Variants in EIF4ENIF1 observed in about 807,000 individuals in gnomAD.
EIF4ENIF1 encodes eukaryotic translation initiation factor 4E transporter.
EIF4ENIF1 carries 23 observed loss-of-function variants against 110.5 expected under a neutral mutation model. The observed-to-expected ratio is 0.21, with a 90% confidence interval of 0.15 to 0.29. The LOEUF is 0.29. EIF4ENIF1 is among the 10% of genes least tolerant of loss of function. The pLI is 1.00. For missense variants in EIF4ENIF1, 1,031 were observed against 1,221.1 expected (o/e 0.84, Z 2.32); for synonymous variants, 440 against 437.0 (o/e 1.01, Z -0.09).
chr22:31,458,925 CTTTTT>C (rs11337049), intron 6 of EIF4ENIF1, among the ~76,000 whole-genome samples: 2 of 107,260 alleles, frequency 1.9e-5, no homozygotes, highest in Non-Finnish European at 3.7e-5. Flanking sequence ...GGAGGGGGGT[CTTTTT>C]TTTTTTTTTT....
At position 31,441,945 on chromosome 22, in the gene EIF4ENIF1, T is replaced by C; in HGVS notation, c.2380A>G (p.Thr794Ala). The C allele has an allele frequency of 6.2e-7, 1 of 1,614,066 alleles. No individual in the cohort carries two copies. The highest frequency in any genetic ancestry group is 2.2e-5 in the East Asian group (1 of 44,872). Residue 794 changes from threonine (T) to alanine (A), a missense_variant, in exon 17 of 19, where the codon ACC becomes GCC. Physicochemically the swap from Thr to Ala is moderately conservative, Grantham distance 58. This residue lies in a region of EIF4ENIF1 where 309 missense variants were observed against 299.1 expected (regional missense o/e 1.03). Coordinates refer to ENST00000330125, the MANE Select transcript of EIF4ENIF1 (RefSeq NM_019843.4). ...RPKATGRKTPTLASPVPTTPF... is the reference protein window; with the variant it reads ...RPKATGRKTPALASPVPTTPF... The stretch of plus-strand genomic sequence containing the variant: ...GTTGTAGGAACTGGGGATGCCAAGG[T>C]GGGTGTTTTTCTCCCAGTTGCTTTA...
intron 16 of EIF4ENIF1, 88 bp downstream of exon 16, chr22:31,442,874 T>C: frequency 6.5e-7 from 1 of 1,536,656 alleles, no homozygotes; most frequent in Non-Finnish European, 8.8e-7. Flanking sequence ...CAGGGCTTTG[T>C]ATAGAATATC....
rs1174588191 is a variant in EIF4ENIF1 at position 31,449,461 on chromosome 22, T to C, written c.1655A>G (p.Glu552Gly). ...TTGGCCCAGTAAAGATGTTGTAGGC[T>C]CCAAGCTCCCCATAAGGCCACTCAG... ...NLLSGLMGSL[E>G]PTTSLLGQRA... Residue 552 changes from glutamate to glycine, a missense_variant, in exon 12 of 19, where the codon GAG becomes GGG. Coordinates refer to ENST00000330125, the MANE Select transcript of EIF4ENIF1 (RefSeq NM_019843.4). The C allele has an allele frequency of 3.1e-6, 5 of 1,614,000 alleles. No homozygotes were observed. Among genetic ancestry groups the C allele is most frequent in the Non-Finnish European group, 4.2e-6 (5 of 1,180,024 alleles).
At chr22:31,438,301 T>G (rs140283203), downstream of EIF4ENIF1, among the ~76,000 whole-genome samples, 1 of 152,342 alleles carries the variant, frequency 6.6e-6, no homozygotes, top group Non-Finnish European at 1.5e-5. Context: ...AGAACTGTAC[T>G]GTATTCTGTA....
chr22:31,482,833 C>A (rs972591193), intron 2 of EIF4ENIF1, among the ~76,000 whole-genome samples: 2 of 150,446 alleles, frequency 1.3e-5, no homozygotes, highest in East Asian at 2.0e-4. Flanking sequence ...ACCATCCTGG[C>A]CAACATGGTG....
chr22:31,447,668 A>G, intron 13 of EIF4ENIF1, 103 bp from the exon 14 acceptor site: 10 of 1,295,942 alleles, frequency 7.7e-6, no homozygotes, highest in Non-Finnish European at 4.2e-6. Flanking sequence ...CAGAAGCTGA[A>G]AAAAATTAGA....
At chr22:31,488,807 G>A in intron 1 of EIF4ENIF1, 62 bp from the exon 2 acceptor site, 2 of 1,517,336 alleles carry the variant, frequency 1.3e-6, no homozygotes, top group Non-Finnish European at 1.8e-6. Flanking sequence ...AATCTTGGCT[G>A]TTTCTTCAGA....
chr22:31,441,008 G>C, intron 17 of EIF4ENIF1, 140 bp from the exon 18 acceptor site: 2 of 1,197,474 alleles, frequency 1.7e-6, no homozygotes. Context: ...GTAATCCCCA[G>C]CACTTTGGGA....
intron 4 of EIF4ENIF1, 40 bp from the exon 5 acceptor site, chr22:31,464,007 A>G (rs745475953): frequency 5.7e-6 from 9 of 1,579,616 alleles, no homozygotes; most frequent in East Asian, 4.5e-5. Context: ...ACAAACCAAC[A>G]AGGGTGTTTT....
At chr22:31,448,660 A>C (rs542391223) in intron 12 of EIF4ENIF1, among the ~76,000 whole-genome samples, 2 of 152,352 alleles carry the variant, frequency 1.3e-5, no homozygotes, top group Non-Finnish European at 2.9e-5. Flanking sequence ...AGCAGCCTAA[A>C]GTGGCCTAGG....
downstream of EIF4ENIF1, among the ~76,000 whole-genome samples, chr22:31,438,709 A>AAGAT (rs1425759596): frequency 3.9e-5 from 6 of 152,178 alleles, no homozygotes; most frequent in African/African-American, 1.2e-4. Context: ...CTCCTAAATC[A>AAGAT]AGATAGAGTC....
chr22:31,455,129 C>A lies in EIF4ENIF1; in HGVS notation c.1279+7G>T. On this transcript the variant is annotated splice_region_variant and intron_variant, in intron 9 of 18. Coordinates refer to ENST00000330125, the MANE Select transcript of EIF4ENIF1 (RefSeq NM_019843.4). ...GATATCTAAAACAGATATTCATAAACACTTACAGCTTTCTTTAAGTTTTTC... is the reference window on the plus strand; with the variant it reads ...GATATCTAAAACAGATATTCATAAAAACTTACAGCTTTCTTTAAGTTTTTC... 1 of 1,606,100 alleles carries A rather than the reference C, an allele frequency of 6.2e-7. No homozygotes were observed. The highest frequency in any genetic ancestry group is 8.5e-7 in the Non-Finnish European group (1 of 1,176,538).
chr22:31,467,049 A>C (rs151128205), intron 4 of EIF4ENIF1, among the ~76,000 whole-genome samples: 1 of 152,360 alleles, frequency 6.6e-6, no homozygotes, highest in East Asian at 1.9e-4. Context: ...TTATTTGCCA[A>C]TAAACACATC....
At chr22:31,470,849 T>A (rs1019089532) in intron 3 of EIF4ENIF1, among the ~76,000 whole-genome samples, 1 of 151,230 alleles carries the variant, frequency 6.6e-6, no homozygotes, top group Non-Finnish European at 1.5e-5. Flanking sequence ...ATAGGTACCA[T>A]AAATACAAAA....
chr22:31,437,468 G>A (rs1038217335), downstream of EIF4ENIF1: 2 of 41,640 alleles, frequency 4.8e-5, no homozygotes, highest in East Asian at 7.3e-4. Context: ...CCACCCTCCC[G>A]CTTCCTCTAG....
At chr22:31,455,430 G>A (rs1052106905) in intron 8 of EIF4ENIF1, 115 bp from the exon 9 acceptor site, 21 of 927,694 alleles carry the variant, frequency 2.3e-5, no homozygotes, top group Non-Finnish European at 2.9e-5. Flanking sequence ...ATGGAGTTTC[G>A]CTTTTTCGCC....
In EIF4ENIF1 at chr22:31,439,504, A is replaced by G. The variant is rs2050227336; in HGVS notation, c.*376T>C. The G allele has an allele frequency of 5.4e-6, 1 of 184,722 alleles. No homozygotes were observed. Among genetic ancestry groups the G allele is most frequent in the Non-Finnish European group, 1.1e-5 (1 of 87,766 alleles). The allele number at this position is 184,722 out of a possible 1,614,324, so 11.4% of individuals were successfully genotyped here. A position where few individuals can be genotyped will look rare whatever the true frequency, so the allele number is the denominator to read the frequency against. The stretch of plus-strand genomic sequence containing the variant: ...TATGTACAGCTGTATAGTTCAAAAA[A>G]GCTATCCTATATGTATATACAAAAG... On this transcript the variant is annotated 3_prime_UTR_variant, in exon 19 of 19. Transcript: ENST00000330125.
chr22:31,463,850 G>A lies in EIF4ENIF1; in HGVS notation c.416C>T (p.Pro139Leu). ...AAVSSRRSGSPLEKDSDGLRL... is the reference protein window; with the variant it reads ...AAVSSRRSGSLLEKDSDGLRL... ...AAGCCCATCACTATCTTTCTCTAATGGACTTCCTGAGCGCCGGGAGCTAAC... is the reference window on the plus strand; with the variant it reads ...AAGCCCATCACTATCTTTCTCTAATAGACTTCCTGAGCGCCGGGAGCTAAC... The change falls in exon 5 of 19, where the codon CCA becomes CTA. Residue 139 changes from proline (P) to leucine (L), a missense_variant. Around this residue, in one of 3 missense-constraint regions of EIF4ENIF1, gnomAD observed 704 missense variants for 879.7 expected, o/e 0.80. Coordinates refer to ENST00000330125, the MANE Select transcript of EIF4ENIF1 (RefSeq NM_019843.4). 2 of 1,613,992 alleles carry A rather than the reference G, an allele frequency of 1.2e-6. No homozygotes were observed. The highest frequency in any genetic ancestry group is 1.7e-6 in the Non-Finnish European group (2 of 1,180,012).
rs2050376478 is a variant in EIF4ENIF1 at position 31,443,746 on chromosome 22, T to A, written c.2074-652A>T. Among the ~76,000 whole-genome samples the A allele has an allele frequency of 2.0e-5, 3 of 152,252 alleles. No homozygotes were observed. In the South Asian group the frequency reaches 6.2e-4, roughly 32 times the overall value. On this transcript the variant is annotated intron_variant, in intron 15 of 18. Coordinates refer to ENST00000330125, the MANE Select transcript of EIF4ENIF1 (RefSeq NM_019843.4). ...TCTGAAGCACGCAGCAAAGTTATTT[T>A]TTTTTTTCCTTCTTCTCTATCGGCT...
Sources: allele counts gnomAD v4.1 joint callset (sites outside exome capture counted in the v4.1 genomes callset), GRCh38; gene constraint gnomAD v4.1.1; regional missense constraint gnomAD v4.1.1; transcripts MANE v1.5; gene names NCBI Gene and HGNC (gene_info 2026-07-23, HGNC 2026-07-21).